The following WDR76 variants were observed in gnomAD, a reference collection of about 807,000 sequenced individuals.
WDR76 encodes the protein WD repeat domain 76, also known as WD repeat-containing protein 76.
Under a neutral mutation model 70.2 loss-of-function variants are expected in WDR76, and 52 were observed. The observed-to-expected ratio is 0.74, with a 90% confidence interval of 0.59 to 0.93. The LOEUF is 0.93. Ranked by LOEUF, WDR76 falls within the 40% of genes least tolerant of loss-of-function variation. The pLI is 0.00. For synonymous variants in WDR76, 292 were observed against 271.1 expected (o/e 1.08, Z -0.76); for missense variants, 756 against 760.2 (o/e 0.99, Z 0.07).
In WDR76 at chr15:43,828,169, A is replaced by C. The variant is rs1443842486; in HGVS notation, c.265A>C (p.Thr89Pro). The stretch of plus-strand genomic sequence containing the variant: ...GTGTAAGAAGACTAAAATAAAGAAA[A>C]CTTGCAGAAGGATTATACCTCCAAA... The part of the protein sequence containing the change: ...VACKKTKIKK[T>P]CRRIIPPKMK... Residue 89 changes from threonine (T) to proline (P), a missense_variant, in exon 2 of 13, where the codon ACT (threonine) becomes CCT (proline). By Grantham distance (38) the Thr-to-Pro change is conservative (BLOSUM62 -1). Transcript: ENST00000263795. 6.2e-7 allele frequency: 1 copy of C among 1,614,024 alleles called. No individual in the cohort carries two copies. Among genetic ancestry groups the C allele is most frequent in the Admixed American group, 1.7e-5 (1 of 59,964 alleles).
In WDR76 at chr15:43,843,908, G is replaced by A. The variant is rs755194035; in HGVS notation, c.886G>A (p.Ala296Thr). The A allele has an allele frequency of 5.7e-6, 9 of 1,567,920 alleles. No individual in the cohort carries two copies. Among genetic ancestry groups the A allele is most frequent in the Admixed American group, 3.7e-5 (2 of 53,914 alleles). The part of the protein sequence containing the change: ...KGLSSIKSYK[A>T]NLNGMVISED... Reference sequence around the variant, plus strand: ...ACTTTGTAATTTTCTTAGCTACAAAGCCAATTTAAATGGCATGGTCATTAG... The same window carrying A: ...ACTTTGTAATTTTCTTAGCTACAAAACCAATTTAAATGGCATGGTCATTAG... The change falls in exon 8 of 13, where the codon GCC (alanine) becomes ACC (threonine). Residue 296 changes from alanine (A) to threonine (T), a missense_variant. Coordinates refer to ENST00000263795, the MANE Select transcript of WDR76 (RefSeq NM_024908.4).
Position 43,828,328 on chromosome 15 carries a change from C to T in WDR76, c.424C>T (p.Gln142Ter), listed in dbSNP as rs774479553. ...TCTCAGTGTTGATGTGGAAAGTAGT[C>T]AGGATGGAGACAGTGATGAAGATAC... ...MNLSVDVESS[Q>*]DGDSDEDTTP... Residue 142 changes from glutamine to a stop codon, truncating the protein, a stop_gained, in exon 2 of 13, where the codon CAG (glutamine) becomes TAG (stop). Transcript: ENST00000263795. LOFTEE classifies it high-confidence loss of function. The T allele has an allele frequency of 1.2e-6, 2 of 1,613,862 alleles. No individual in the cohort carries two copies. Among genetic ancestry groups the T allele is most frequent in the Non-Finnish European group, 1.7e-6 (2 of 1,180,012 alleles).
At chr15:43,861,095 T>G (rs757101528) in intron 11 of WDR76, among the ~76,000 whole-genome samples, 16 of 151,998 alleles carry the variant, frequency 1.1e-4, no homozygotes, top group Admixed American at 1.3e-4. Context: ...AATTTTTAAA[T>G]TTTTTGTACA....
chr15:43,861,419 G>C (rs1222612069), intron 12 of WDR76, 33 bp downstream of exon 12: 1 of 1,570,082 alleles, frequency 6.4e-7, no homozygotes, highest in Non-Finnish European at 8.8e-7. Flanking sequence ...ATGTAGATGT[G>C]GATTACTATG....
chr15:43,860,692 A>C (rs2087985046), intron 11 of WDR76, among the ~76,000 whole-genome samples: 1 of 151,262 alleles, frequency 6.6e-6, no homozygotes, highest in African/African-American at 2.4e-5. Flanking sequence ...TTTTTTTTGT[A>C]GTGATAGGGT....
At chr15:43,845,436 C>T (rs1224474039) in intron 8 of WDR76, among the ~76,000 whole-genome samples, 2 of 150,086 alleles carry the variant, frequency 1.3e-5, no homozygotes, top group African/African-American at 4.8e-5. Context: ...ACCACTGTCC[C>T]TTCTACCATA....
chr15:43,853,144 C>T (rs556608362), intron 9 of WDR76, among the ~76,000 whole-genome samples: 6 of 152,304 alleles, frequency 3.9e-5, no homozygotes, highest in African/African-American at 9.6e-5. Context: ...CCACCTTGGC[C>T]TCCCAAAGTC....
chr15:43,838,142 G>C (rs2087681155), intron 4 of WDR76, among the ~76,000 whole-genome samples: 1 of 151,922 alleles, frequency 6.6e-6, no homozygotes, highest in South Asian at 2.1e-4. Flanking sequence ...CAAAGTGCTG[G>C]GATTACAGGC....
Position 43,850,966 on chromosome 15 carries a change from T to C in WDR76, c.1033-121T>C, listed in dbSNP as rs540660829. ...GTGAAGGGGAGAGTGGTTACAATTA[T>C]AGACTAAGAAAAGACTGAATATAAT... On this transcript the variant is annotated intron_variant, in intron 8 of 12. Coordinates refer to ENST00000263795, the MANE Select transcript of WDR76 (RefSeq NM_024908.4). 32 of 1,282,608 alleles carry C rather than the reference T, an allele frequency of 2.5e-5. No homozygotes were observed. The Admixed American group carries it at 3.1e-4, about 12-fold the overall frequency. 79.5% of individuals were successfully genotyped at this position (1,282,608 alleles called of 1,614,324 possible).
chr15:43,832,743 GTTTTT>G (rs201304087), intron 2 of WDR76, among the ~76,000 whole-genome samples: 3 of 68,072 alleles, frequency 4.4e-5, no homozygotes, highest in African/African-American at 1.9e-4. Context: ...GGCTTGCTTT[GTTTTT>G]TTTTTTTTTT....
chr15:43,853,653 C>T (rs2087890763), intron 9 of WDR76, among the ~76,000 whole-genome samples: 1 of 152,048 alleles, frequency 6.6e-6, no homozygotes, highest in Non-Finnish European at 1.5e-5. Flanking sequence ...CCCCTGTAAT[C>T]CCAGAACTTT....
chr15:43,845,854 A>G (rs1398133004), intron 8 of WDR76, among the ~76,000 whole-genome samples: 1 of 150,458 alleles, frequency 6.6e-6, no homozygotes, highest in Non-Finnish European at 1.5e-5. Flanking sequence ...CCATAAGGAC[A>G]ATTAATGAAG....
intron 8 of WDR76, among the ~76,000 whole-genome samples, chr15:43,848,455 A>G (rs538403188): frequency 6.6e-6 from 1 of 152,334 alleles, no homozygotes; most frequent in East Asian, 1.9e-4. Context: ...AGAGAAGCAC[A>G]TTGGGTATTC....
intron 8 of WDR76, 53 bp downstream of exon 8, chr15:43,844,107 T>A (rs112241675): frequency 1.9e-6 from 3 of 1,557,856 alleles, no homozygotes; most frequent in African/African-American, 2.7e-5. Context: ...GCAAATAGGC[T>A]GGAAGAGAAT....
chr15:43,844,794 G>A (rs1020939836), intron 8 of WDR76, among the ~76,000 whole-genome samples: 1 of 150,570 alleles, frequency 6.6e-6, no homozygotes, highest in African/African-American at 2.4e-5. Flanking sequence ...TAGGCGTGGT[G>A]GCAGGTGCCT....
intron 10 of WDR76, chr15:43,857,444 T>G: frequency 1.0e-6 from 1 of 985,128 alleles, no homozygotes. Flanking sequence ...AAAATTTAAA[T>G]TTCACAGAAA....
Position 43,861,357 on chromosome 15 carries a change from T to C in WDR76, c.1587T>C (p.Ser529=). The part of the protein sequence containing the change: ...NLRIFDSSCI[S]SKIPLLTTIR... The stretch of plus-strand genomic sequence containing the variant: ...GAATTTTTGACAGCAGCTGTATATC[T>C]TCTAAGATTCCGCTCCTCACCACCA... Residue 529 remains serine, a synonymous_variant, in exon 12 of 13, where the codon TCT becomes TCC. Transcript: ENST00000263795. 6.2e-7 allele frequency: 1 copy of C among 1,614,076 alleles called. No individual in the cohort carries two copies. Among genetic ancestry groups the C allele is most frequent in the Non-Finnish European group, 8.5e-7 (1 of 1,179,984 alleles).
intron 5 of WDR76, among the ~76,000 whole-genome samples, chr15:43,840,738 G>T (rs2087714180): frequency 6.6e-6 from 1 of 151,964 alleles, no homozygotes. Context: ...CAGCACTTTG[G>T]GAGGCTGAGG....
intron 4 of WDR76, among the ~76,000 whole-genome samples, chr15:43,839,148 C>T (rs985864850): frequency 2.0e-5 from 3 of 152,100 alleles, no homozygotes; most frequent in Non-Finnish European, 4.4e-5. Flanking sequence ...TGCAGTGAAA[C>T]GTTTTAAGTT....
Sources: allele counts gnomAD v4.1 joint callset (sites outside exome capture counted in the v4.1 genomes callset), GRCh38; gene constraint gnomAD v4.1.1; transcripts MANE v1.5; gene names NCBI Gene and HGNC (gene_info 2026-07-23, HGNC 2026-07-21).